OR5K4: variants seen among roughly 807,000 people sequenced by gnomAD.
OR5K4 encodes the protein olfactory receptor family 5 subfamily K member 4, also known as olfactory receptor 5K4.
In OR5K4, 16 loss-of-function variants were observed where a neutral mutation model predicts 11.8. The ratio of observed to expected loss-of-function variants is 1.36; its 90% CI spans 0.92 to 2.06. The LOEUF is 2.06. OR5K4 is among the 30% of genes most tolerant of loss of function. The pLI is 0.00. For missense variants in OR5K4, 442 were observed against 386.9 expected (o/e 1.14, Z -1.19); for synonymous variants, 152 against 135.1 (o/e 1.12, Z -0.87).
Position 98,354,219 on chromosome 3 carries a change from C to T in OR5K4, c.366C>T (p.Arg122=). 1 of 1,614,226 alleles carries T rather than the reference C, an allele frequency of 6.2e-7. No individual in the cohort carries two copies. Among genetic ancestry groups the T allele is most frequent in the South Asian group, 1.1e-5 (1 of 91,082 alleles). ...CFLLATMAYD[R]YVAICHPLQY... ...TTCTGGCGACAATGGCCTATGACCG[C>T]TATGTGGCCATATGCCACCCACTGC... Residue 122 remains arginine, a synonymous_variant, in exon 1 of 1, where the codon CGC becomes CGT. Coordinates refer to ENST00000354924, the MANE Select transcript of OR5K4 (RefSeq NM_001005517.1).
Position 98,354,621 on chromosome 3 carries a change from C to A in OR5K4, c.768C>A (p.Leu256=). ...LSVSIFYICL[L]MYIGPSEEGD... Reference sequence around the variant, plus strand: ...TCTCAATATTTTACATTTGTCTTCTCATGTATATTGGACCATCTGAAGAAG... The same window carrying A: ...TCTCAATATTTTACATTTGTCTTCTAATGTATATTGGACCATCTGAAGAAG... Residue 256 remains leucine (L), a synonymous_variant, in exon 1 of 1, where the codon CTC becomes CTA. Transcript: ENST00000354924. The A allele has an allele frequency of 6.2e-7, 1 of 1,612,980 alleles. No individual in the cohort carries two copies. Among genetic ancestry groups the A allele is most frequent in the South Asian group, 1.1e-5 (1 of 91,026 alleles).
Position 98,354,737 on chromosome 3 carries a change from T to A in OR5K4, c.884T>A (p.Ile295Lys). 6.6e-7 allele frequency: 1 copy of A among 1,519,728 alleles called. No homozygotes were observed. 94.1% of individuals were successfully genotyped at this position (1,519,728 alleles called of 1,614,324 possible). The change falls in exon 1 of 1, where the codon ATA (isoleucine) becomes AAA (lysine). Residue 295 changes from isoleucine (I) to lysine (K), a missense_variant. Transcript: ENST00000354924. ...FIYSLRNKEV[I>K]NVLKKIMRNY... is the part of the protein sequence containing the mutation. ...TATAGTCTGAGAAATAAGGAGGTCA[T>A]AAATGTTCTTAAAAAAATTATGAGG...
chr3:98,354,585 C>T lies in OR5K4; in HGVS notation c.732C>T (p.His244=). 1.9e-6 allele frequency: 3 copies of T among 1,613,918 alleles called. No individual in the cohort carries two copies. Among genetic ancestry groups the T allele is most frequent in the Admixed American group, 3.3e-5 (2 of 60,012 alleles). ...RGKAFSTCAS[H]FLSVSIFYIC... is the part of the protein sequence containing the mutation. ...AAGCATTTTCTACCTGTGCATCCCA[C>T]TTTCTCTCTGTCTCAATATTTTACA... The change falls in exon 1 of 1, where the codon CAC becomes CAT. Residue 244 remains histidine (H), a synonymous_variant. Transcript: ENST00000354924.
Position 98,353,912 on chromosome 3 carries a change from A to T in OR5K4, c.59A>T (p.Tyr20Phe), listed in dbSNP as rs146155202. 6.9e-4 allele frequency: 1,115 copies of T among 1,614,120 alleles called. 6 individuals carry two copies. The African/African-American group carries it at 0.012, about 17-fold the overall frequency. ...AEFILIGFTN[Y>F]PELKTLLFVV... ...TTCATCCTCATAGGATTTACAAATT[A>T]TCCAGAGCTGAAGACGCTTCTGTTT... The change falls in exon 1 of 1, where the codon TAT (tyrosine) becomes TTT (phenylalanine). Residue 20 changes from tyrosine to phenylalanine, a missense_variant. Physicochemically the swap from Tyr to Phe is conservative, Grantham distance 22. Transcript: ENST00000354924.
rs148939621 is a variant in OR5K4, at chr3:98,353,905, A to G, written c.52A>G (p.Thr18Ala). Residue 18 changes from threonine (T) to alanine (A), a missense_variant, in exon 1 of 1, where the codon ACA becomes GCA. Transcript: ENST00000354924. Reference protein sequence around the residue: ...LAAEFILIGFTNYPELKTLLF... With the variant: ...LAAEFILIGFANYPELKTLLF... The stretch of plus-strand genomic sequence containing the variant: ...AGCTGAATTCATCCTCATAGGATTT[A>G]CAAATTATCCAGAGCTGAAGACGCT... 294 of 1,613,804 alleles carry G rather than the reference A, an allele frequency of 1.8e-4. No individual in the cohort carries two copies. The highest frequency in any genetic ancestry group is 2.3e-4 in the Non-Finnish European group (267 of 1,179,928).
At position 98,354,750 on chromosome 3, in the gene OR5K4, A is replaced by C; in HGVS notation, c.897A>C (p.Lys299Asn). The C allele has an allele frequency of 6.6e-7, 1 of 1,516,058 alleles. No homozygotes were observed. The highest frequency in any genetic ancestry group is 1.2e-5 in the South Asian group (1 of 82,964). The allele number at this position is 1,516,058 out of a possible 1,614,324, so 93.9% of individuals were successfully genotyped here. ...ATAAGGAGGTCATAAATGTTCTTAA[A>C]AAAATTATGAGGAATTATAACATTC... ...LRNKEVINVL[K>N]KIMRNYNILK... The change falls in exon 1 of 1, where the codon AAA (lysine) becomes AAC (asparagine). Residue 299 changes from lysine to asparagine, a missense_variant. Coordinates refer to ENST00000354924, the MANE Select transcript of OR5K4 (RefSeq NM_001005517.1).
Position 98,353,957 on chromosome 3 carries a change from A to C in OR5K4, c.104A>C (p.Tyr35Ser), listed in dbSNP as rs377586314. 6 of 1,614,138 alleles carry C rather than the reference A, an allele frequency of 3.7e-6. No individual in the cohort carries two copies. In the South Asian group the frequency reaches 5.5e-5, roughly 15 times the overall value. ...TLLFVVFSAIYLVTMVGNLGL... is the reference protein window; with the variant it reads ...TLLFVVFSAISLVTMVGNLGL... ...CTGTTTGTGGTGTTCTCTGCCATCT[A>C]TCTGGTCACCATGGTGGGGAATCTT... Residue 35 changes from tyrosine to serine, a missense_variant, in exon 1 of 1, where the codon TAT becomes TCT. Transcript: ENST00000354924.
In OR5K4 at chr3:98,354,427, CCTTCT is replaced by C. The variant is rs1707033938; in HGVS notation, c.575_579del (p.Pro192HisfsTer2). The C allele has an allele frequency of 6.2e-7, 1 of 1,610,294 alleles. No homozygotes were observed. The highest frequency in any genetic ancestry group is 1.3e-5 in the African/African-American group (1 of 74,972). ...ACTGTATAGACTCTCCTGTACAGAT[CCTTCT>C]ATTAATGAACTAATGATATATATCT... On this transcript the variant is annotated frameshift_variant, in exon 1 of 1. Coordinates refer to ENST00000354924, the MANE Select transcript of OR5K4 (RefSeq NM_001005517.1). LOFTEE classifies it high-confidence loss of function.
rs772571681 is a variant in OR5K4 at position 98,354,408 on chromosome 3, T to C, written c.555T>C (p.Tyr185=). The C allele has an allele frequency of 2.5e-6, 4 of 1,609,872 alleles. No homozygotes were observed. The highest frequency in any genetic ancestry group is 1.7e-5 in the Admixed American group (1 of 60,008). Reference sequence around the variant, plus strand: ...TTTTCTGTGATATTCTTCCACTGTATAGACTCTCCTGTACAGATCCTTCTA... The same window carrying C: ...TTTTCTGTGATATTCTTCCACTGTACAGACTCTCCTGTACAGATCCTTCTA... ...HHFFCDILPL[Y]RLSCTDPSIN... Residue 185 remains tyrosine (Y), a synonymous_variant, in exon 1 of 1, where the codon TAT becomes TAC. Transcript: ENST00000354924.
In OR5K4 at chr3:98,353,969, T is replaced by G; in HGVS notation, c.116T>G (p.Met39Arg). Reference protein sequence around the residue: ...VVFSAIYLVTMVGNLGLVALI... With the variant: ...VVFSAIYLVTRVGNLGLVALI... ...TTCTCTGCCATCTATCTGGTCACCA[T>G]GGTGGGGAATCTTGGTCTGGTGGCA... The change falls in exon 1 of 1, where the codon ATG becomes AGG. Residue 39 changes from methionine to arginine, a missense_variant. Physicochemically the swap from Met to Arg is moderately conservative, Grantham distance 91. Transcript: ENST00000354924. The G allele has an allele frequency of 3.1e-6, 5 of 1,614,198 alleles. No individual in the cohort carries two copies. In the African/African-American group the frequency reaches 4.0e-5, roughly 13 times the overall value.
Position 98,353,896 on chromosome 3 carries a change from A to G in OR5K4, c.43A>G (p.Ile15Val), listed in dbSNP as rs908665264. 6.2e-7 allele frequency: 1 copy of G among 1,613,760 alleles called. No homozygotes were observed. Among genetic ancestry groups the G allele is most frequent in the South Asian group, 1.1e-5 (1 of 91,018 alleles). ...CTCCTTAGCAGCTGAATTCATCCTC[A>G]TAGGATTTACAAATTATCCAGAGCT... ...NHSLAAEFIL[I>V]GFTNYPELKT... The change falls in exon 1 of 1, where the codon ATA (isoleucine) becomes GTA (valine). Residue 15 changes from isoleucine (I) to valine (V), a missense_variant. By Grantham distance (29) the Ile-to-Val change is conservative. Transcript: ENST00000354924.
At position 98,354,449 on chromosome 3, in the gene OR5K4, T is replaced by C. The variant is rs1707034181; in HGVS notation, c.596T>C (p.Ile199Thr). 2.5e-6 allele frequency: 4 copies of C among 1,610,840 alleles called. No homozygotes were observed. In the East Asian group the frequency reaches 6.7e-5, roughly 27 times the overall value. The stretch of plus-strand genomic sequence containing the variant: ...GATCCTTCTATTAATGAACTAATGA[T>C]ATATATCTTTTCAATACCAATTCAA... ...CTDPSINELM[I>T]YIFSIPIQIF... Residue 199 changes from isoleucine to threonine, a missense_variant, in exon 1 of 1, where the codon ATA becomes ACA. Physicochemically the swap from Ile to Thr is moderately conservative, Grantham distance 89. Coordinates refer to ENST00000354924, the MANE Select transcript of OR5K4 (RefSeq NM_001005517.1).
rs759623398 is a variant in OR5K4 at position 98,354,092 on chromosome 3, A to AGG, written c.240_241insGG (p.Met81GlyfsTer3). On this transcript the variant is annotated frameshift_variant, in exon 1 of 1. Coordinates refer to ENST00000354924, the MANE Select transcript of OR5K4 (RefSeq NM_001005517.1). LOFTEE classifies it high-confidence loss of function. ...TGCTGTTCCTGTGCTGTTACCCCCA[A>AGG]GATGTTAGAGAATTTCTTTTCTGAG... is the stretch of plus-strand genomic sequence containing the variant. The AGG allele has an allele frequency of 1.9e-6, 3 of 1,614,016 alleles. No individual in the cohort carries two copies. The highest frequency in any genetic ancestry group is 1.7e-6 in the Non-Finnish European group (2 of 1,180,026).
chr3:98,354,295 G>T lies in OR5K4; in HGVS notation c.442G>T (p.Ala148Ser), dbSNP rs202129325. The T allele has an allele frequency of 1.2e-6, 2 of 1,614,166 alleles. No homozygotes were observed. Among genetic ancestry groups the T allele is most frequent in the Non-Finnish European group, 1.7e-6 (2 of 1,180,036 alleles). The change falls in exon 1 of 1, where the codon GCC (alanine) becomes TCC (serine). Residue 148 changes from alanine to serine, a missense_variant. By Grantham distance (99) the Ala-to-Ser change is moderately conservative. Coordinates refer to ENST00000354924, the MANE Select transcript of OR5K4 (RefSeq NM_001005517.1). ...KTLCIRMTTG[A>S]FKAGNLHSMI... Reference sequence around the variant, plus strand: ...GCTCTGCATTCGGATGACCACAGGGGCCTTCAAAGCTGGAAACCTGCATTC... The same window carrying T: ...GCTCTGCATTCGGATGACCACAGGGTCCTTCAAAGCTGGAAACCTGCATTC...
At position 98,354,198 on chromosome 3, in the gene OR5K4, G is replaced by A; in HGVS notation, c.345G>A (p.Leu115=). 1 of 1,614,068 alleles carries A rather than the reference G, an allele frequency of 6.2e-7. No individual in the cohort carries two copies. The highest frequency in any genetic ancestry group is 8.5e-7 in the Non-Finnish European group (1 of 1,180,004). Residue 115 remains leucine, a synonymous_variant, in exon 1 of 1, where the codon CTG becomes CTA. Transcript: ENST00000354924. The part of the protein sequence containing the change: ...CLAETTDCFL[L]ATMAYDRYVA... ...CTGAAACCACAGACTGCTTTCTTCT[G>A]GCGACAATGGCCTATGACCGCTATG...
rs773663939 is a variant in OR5K4 at position 98,354,334 on chromosome 3, G to A, written c.481G>A (p.Gly161Arg). The A allele has an allele frequency of 6.2e-7, 1 of 1,614,094 alleles. No homozygotes were observed. Among genetic ancestry groups the A allele is most frequent in the South Asian group, 1.1e-5 (1 of 91,074 alleles). The change falls in exon 1 of 1, where the codon GGG (glycine) becomes AGG (arginine). Residue 161 changes from glycine (G) to arginine (R), a missense_variant. Gly to Arg is a moderately radical substitution (Grantham distance 125). Transcript: ENST00000354924. Reference sequence around the variant, plus strand: ...AAACCTGCATTCCATGATTCATGTAGGGCTTTTATTAAGGTTAACTTTCTG... The same window carrying A: ...AAACCTGCATTCCATGATTCATGTAAGGCTTTTATTAAGGTTAACTTTCTG... ...AGNLHSMIHV[G>R]LLLRLTFCRS...
In OR5K4 at chr3:98,354,764, A is replaced by T. The variant is rs1270136322; in HGVS notation, c.911A>T (p.Asn304Ile). The change falls in exon 1 of 1, where the codon AAT becomes ATT. Residue 304 changes from asparagine to isoleucine, a missense_variant. Coordinates refer to ENST00000354924, the MANE Select transcript of OR5K4 (RefSeq NM_001005517.1). ...AATGTTCTTAAAAAAATTATGAGGA[A>T]TTATAACATTCTTAAACAAACTTGC... The part of the protein sequence containing the change: ...VINVLKKIMR[N>I]YNILKQTCSI... The T allele has an allele frequency of 6.8e-7, 1 of 1,479,004 alleles. No individual in the cohort carries two copies. Among genetic ancestry groups the T allele is most frequent in the African/African-American group, 1.4e-5 (1 of 71,050 alleles). The allele number at this position is 1,479,004 out of a possible 1,614,324, so 91.6% of individuals were successfully genotyped here. A position where few individuals can be genotyped will look rare whatever the true frequency, so the allele number is the denominator to read the frequency against.
rs574691048 is a variant in OR5K4, at chr3:98,354,376, C to T, written c.523C>T (p.His175Tyr). The change falls in exon 1 of 1, where the codon CAC becomes TAC. Residue 175 changes from histidine (H) to tyrosine (Y), a missense_variant. His to Tyr is a moderately conservative substitution (Grantham distance 83, BLOSUM62 2). Transcript: ENST00000354924. ...RLTFCRSNKI[H>Y]HFFCDILPLY... ...AACTTTCTGCAGGTCTAATAAAATT[C>T]ACCACTTTTTCTGTGATATTCTTCC... The T allele has an allele frequency of 6.2e-7, 1 of 1,614,056 alleles. No homozygotes were observed. The highest frequency in any genetic ancestry group is 1.7e-5 in the Admixed American group (1 of 60,026).
In OR5K4 at chr3:98,354,253, A is replaced by T. The variant is rs1482357049; in HGVS notation, c.400A>T (p.Thr134Ser). The change falls in exon 1 of 1, where the codon ACC becomes TCC. Residue 134 changes from threonine to serine, a missense_variant. Physicochemically the swap from Thr to Ser is moderately conservative, Grantham distance 58. Coordinates refer to ENST00000354924, the MANE Select transcript of OR5K4 (RefSeq NM_001005517.1). ...VAICHPLQYHTMMSKTLCIRM... is the reference protein window; with the variant it reads ...VAICHPLQYHSMMSKTLCIRM... ...CATATGCCACCCACTGCAGTACCAC[A>T]CCATGATGTCCAAGACGCTCTGCAT... is the stretch of plus-strand genomic sequence containing the variant. 6.2e-7 allele frequency: 1 copy of T among 1,614,062 alleles called. No individual in the cohort carries two copies. Among genetic ancestry groups the T allele is most frequent in the African/African-American group, 1.3e-5 (1 of 74,922 alleles).
Sources: allele counts gnomAD v4.1 joint callset, GRCh38; gene constraint gnomAD v4.1.1; transcripts MANE v1.5; gene names NCBI Gene and HGNC (gene_info 2026-07-23, HGNC 2026-07-21).